The following USP9X variants were observed in gnomAD, a reference collection of about 807,000 sequenced individuals.
The protein encoded by USP9X is ubiquitin specific peptidase 9 X-linked.
USP9X carries 7 observed loss-of-function variants against 190.3 expected under a neutral mutation model. That is an observed-to-expected ratio of 0.04 (90% CI 0.02 to 0.07). USP9X has a LOEUF of 0.07. Among genes scored for constraint, USP9X ranks in the 10% least tolerant of loss-of-function variants. The pLI is 1.00. For missense variants in USP9X, 1,010 were observed against 1,916.9 expected, an observed-to-expected ratio of 0.53 and a Z score of 8.83; for synonymous variants, 645 against 659.5, an observed-to-expected ratio of 0.98 and a Z score of 0.34.
intron 37 of USP9X, 94 bp downstream of exon 37, chrX:41,218,691 G>T: frequency 9.7e-6 from 8 of 822,981 alleles, no homozygotes; most frequent in Non-Finnish European, 1.4e-5. Context: ...GCATCCACTT[G>T]ATATGTTTAC....
chrX:41,166,816 A>G (rs1358253506), intron 16 of USP9X, among the ~76,000 whole-genome samples: 1 of 112,440 alleles, frequency 8.9e-6, no homozygotes, highest in Non-Finnish European at 1.9e-5. Flanking sequence ...TTATTGTGGC[A>G]TTTGAGTATT....
intron 14 of USP9X, among the ~76,000 whole-genome samples, chrX:41,157,160 T>G (rs2062586363): frequency 9.0e-6 from 1 of 111,312 alleles, no homozygotes; most frequent in Admixed American, 9.5e-5. Flanking sequence ...AAGCATTGGG[T>G]GAATAATAAG....
At chrX:41,088,609 G>A (rs1232072928) in intron 1 of USP9X, among the ~76,000 whole-genome samples, 1 of 112,175 alleles carries the variant, frequency 8.9e-6, no homozygotes, top group East Asian at 2.8e-4. Flanking sequence ...ATGGATTAGT[G>A]TTCTTCTAAG....
At chrX:41,223,520 C>T in intron 39 of USP9X, 118 bp downstream of exon 39, 1 of 745,193 alleles carries the variant, frequency 1.3e-6, no homozygotes, top group Admixed American at 2.9e-5. Flanking sequence ...TCACTGTAAC[C>T]TCCGCCTCCC....
chrX:41,127,811 A>G (rs745990987), intron 2 of USP9X, among the ~76,000 whole-genome samples: 7 of 112,733 alleles, frequency 6.2e-5, no homozygotes, highest in Admixed American at 5.7e-4. Context: ...CAACTGTTAA[A>G]TAGGTGCTTG....
intron 26 of USP9X, among the ~76,000 whole-genome samples, chrX:41,194,893 C>T (rs1311880370): frequency 1.8e-5 from 2 of 111,081 alleles, no homozygotes; most frequent in Non-Finnish European, 3.8e-5. Context: ...CCTCTTGGAG[C>T]ATTTTATTCT....
chrX:41,184,767 T>G (rs2062858880), intron 23 of USP9X, 92 bp downstream of exon 23: 1 of 772,136 alleles, frequency 1.3e-6, no homozygotes, highest in South Asian at 3.3e-5. Flanking sequence ...AGTTCAAGGT[T>G]GACTCAATGT....
chrX:41,148,849 T>A (rs925387883), intron 12 of USP9X, among the ~76,000 whole-genome samples: 1 of 111,927 alleles, frequency 8.9e-6, no homozygotes, highest in Non-Finnish European at 1.9e-5. Flanking sequence ...AAATGCCGTT[T>A]CGAATAGAAT....
At chrX:41,099,756 T>C (rs773851381) in intron 1 of USP9X, among the ~76,000 whole-genome samples, 1 of 111,995 alleles carries the variant, frequency 8.9e-6, no homozygotes, top group East Asian at 2.8e-4. Context: ...CCCAGCACTT[T>C]GGGAGGCCAA....
chrX:41,223,089 T>A (rs2063279418), intron 38 of USP9X, 128 bp from the exon 39 acceptor site: 1 of 649,488 alleles, frequency 1.5e-6, no homozygotes, highest in Non-Finnish European at 2.3e-6. Flanking sequence ...ATTTTTCTGA[T>A]CATAAAAATT....
At chrX:41,203,240 G>A (rs957632490) in intron 31 of USP9X, among the ~76,000 whole-genome samples, 9 of 111,449 alleles carry the variant, frequency 8.1e-5, no homozygotes, top group African/African-American at 2.9e-4. Flanking sequence ...ATGTGCAGTT[G>A]TCCTATTAAA....
chrX:41,125,738 T>G (rs938907516), intron 2 of USP9X, among the ~76,000 whole-genome samples: 1 of 107,224 alleles, frequency 9.3e-6, no homozygotes, highest in Non-Finnish European at 1.9e-5. Context: ...GCGCGCGCTC[T>G]CTCTCTCTCT....
Position 41,152,929 on chromosome X carries a change from T to C in USP9X, c.1764-19T>C, listed in dbSNP as rs147093884. ...GAGTTTAATTGCCTAATTATATTGT[T>C]AAGTTCTTCTCGTTTCAGTCAAACT... On this transcript the variant is annotated intron_variant, in intron 13 of 44. Coordinates refer to ENST00000378308, the MANE Select transcript of USP9X (RefSeq NM_001039591.3). The C allele has an allele frequency of 3.7e-5, 44 of 1,199,138 alleles. No homozygotes were observed. In the African/African-American group the frequency reaches 6.7e-4, roughly 18 times the overall value.
intron 14 of USP9X, among the ~76,000 whole-genome samples, chrX:41,159,058 T>C (rs1009185041): frequency 1.8e-5 from 2 of 111,157 alleles, no homozygotes; most frequent in Non-Finnish European, 3.8e-5. Flanking sequence ...ACCACTTCTA[T>C]TTAACATTCT....
At chrX:41,094,030 T>C (rs2061971703) in intron 1 of USP9X, among the ~76,000 whole-genome samples, 1 of 111,521 alleles carries the variant, frequency 9.0e-6, no homozygotes, top group Admixed American at 9.6e-5. Flanking sequence ...GTGTATATTA[T>C]CTGTTTACTG....
intron 1 of USP9X, among the ~76,000 whole-genome samples, chrX:41,098,796 C>T (rs1601931070): frequency 9.0e-6 from 1 of 111,068 alleles, no homozygotes; most frequent in African/African-American, 3.3e-5. Flanking sequence ...CTGCCTGCCT[C>T]AGCCTCCCAA....
chrX:41,170,030 G>T lies in USP9X; in HGVS notation c.2672G>T (p.Arg891Leu). The T allele has an allele frequency of 8.3e-7, 1 of 1,211,194 alleles. No individual in the cohort carries two copies. Among genetic ancestry groups the T allele is most frequent in the Non-Finnish European group, 1.1e-6 (1 of 895,314 alleles). The stretch of plus-strand genomic sequence containing the variant: ...GGTAAACACCTCTCTTTTGTAGTTC[G>T]ATTTCCAAACCAGGGCAGACAGGTT... ...FRGKHLSFVV[R>L]FPNQGRQVDD... Residue 891 changes from arginine to leucine, a missense_variant, in exon 19 of 45, where the codon CGA becomes CTA. By Grantham distance (102) the Arg-to-Leu change is moderately radical. Transcript: ENST00000378308.
chrX:41,105,599 A>G (rs749361222), intron 1 of USP9X, among the ~76,000 whole-genome samples: 1 of 112,317 alleles, frequency 8.9e-6, no homozygotes, highest in South Asian at 3.7e-4. Flanking sequence ...TAATGCCGCT[A>G]TGAACATGGG....
chrX:41,101,696 A>T (rs1366287408), intron 1 of USP9X, among the ~76,000 whole-genome samples: 3 of 112,323 alleles, frequency 2.7e-5, no homozygotes, highest in Non-Finnish European at 3.8e-5. Context: ...AAAAATAAAT[A>T]AATAATGACT....
Sources: allele counts gnomAD v4.1 joint callset (sites outside exome capture counted in the v4.1 genomes callset), GRCh38; gene constraint gnomAD v4.1.1; transcripts MANE v1.5; gene names NCBI Gene and HGNC (gene_info 2026-07-23, HGNC 2026-07-21).